PAPPA: variants seen among roughly 807,000 people sequenced by gnomAD.
PAPPA encodes the protein pappalysin 1, also known as pappalysin-1.
In PAPPA, 60 loss-of-function variants were observed where a neutral mutation model predicts 164.0. The ratio of observed to expected loss-of-function variants is 0.37; its 90% CI spans 0.30 to 0.45. The LOEUF (loss-of-function observed/expected upper bound fraction) is 0.45. Ranked by LOEUF, PAPPA falls within the 20% of genes least tolerant of loss-of-function variation. PAPPA has a pLI of 1.00. For synonymous variants in PAPPA, 875 were observed against 814.1 expected (o/e 1.07, Z -1.27); for missense variants, 1,782 against 2,087.3 (o/e 0.85, Z 2.85).
At chr9:116,166,364 C>A (rs1843719562) in intron 1 of PAPPA, among the ~76,000 whole-genome samples, 1 of 152,216 alleles carries the variant, frequency 6.6e-6, no homozygotes. Context: ...TGCACGGCAG[C>A]ACATAATCTT....
chr9:116,235,699 G>A, intron 7 of PAPPA, 62 bp downstream of exon 7: 2 of 1,526,166 alleles, frequency 1.3e-6, no homozygotes, highest in Non-Finnish European at 1.8e-6. Context: ...AACGTGAGGT[G>A]GGTCAGAGAG....
chr9:116,373,737 G>A (rs551581282), intron 19 of PAPPA: 1 of 152,260 alleles, frequency 6.6e-6, no homozygotes, highest in African/African-American at 2.4e-5. Flanking sequence ...TACAGCTTCA[G>A]GGGATGGTAT....
At chr9:116,172,093 A>G (rs549822747) in intron 1 of PAPPA, among the ~76,000 whole-genome samples, 2 of 152,274 alleles carry the variant, frequency 1.3e-5, no homozygotes, top group African/African-American at 2.4e-5. Context: ...TGTTCATAAA[A>G]TTTTGCATAT....
Position 116,400,294 on chromosome 9 carries a change from T to C in PAPPA, c.*3678T>C, listed in dbSNP as rs1588036928. 2 of 152,308 alleles carry C rather than the reference T, an allele frequency of 1.3e-5. No individual in the cohort carries two copies. The highest frequency in any genetic ancestry group is 1.9e-4 in the East Asian group (1 of 5,174). The allele number at this position is 152,308 out of a possible 1,614,324, so 9.4% of individuals were successfully genotyped here. On this transcript the variant is annotated 3_prime_UTR_variant, in exon 22 of 22. Transcript: ENST00000328252. ...CAGTAGGTAGACACAAACATAAAGA[T>C]TTCCCTAGAAGACATAGAGTGGGAT...
At position 116,398,543 on chromosome 9, in the gene PAPPA, T is replaced by C. The variant is rs183427609; in HGVS notation, c.*1927T>C. ...AACCACCATATTATATCACTCCCAATAGCACTGACCTGGTGATCAAAAACA... is the reference window on the plus strand; with the variant it reads ...AACCACCATATTATATCACTCCCAACAGCACTGACCTGGTGATCAAAAACA... On this transcript the variant is annotated 3_prime_UTR_variant, in exon 22 of 22. Coordinates refer to ENST00000328252, the MANE Select transcript of PAPPA (RefSeq NM_002581.5). The C allele has an allele frequency of 2.4e-5, 31 of 1,269,996 alleles. No homozygotes were observed. Among genetic ancestry groups the C allele is most frequent in the Admixed American group, 1.2e-4 (5 of 43,044 alleles). The allele number at this position is 1,269,996 out of a possible 1,614,324, so 78.7% of individuals were successfully genotyped here.
At chr9:116,356,469 T>C (rs940872846) in intron 17 of PAPPA, among the ~76,000 whole-genome samples, 1 of 152,218 alleles carries the variant, frequency 6.6e-6, no homozygotes, top group Non-Finnish European at 1.5e-5. Context: ...GAGAATCCCT[T>C]ATGCTCTATG....
intron 21 of PAPPA, among the ~76,000 whole-genome samples, chr9:116,395,864 A>C (rs192620544): frequency 6.6e-6 from 1 of 152,324 alleles, no homozygotes; most frequent in East Asian, 1.9e-4. Flanking sequence ...TGCCTACTAA[A>C]GTCAAAGTGA....
intron 18 of PAPPA, among the ~76,000 whole-genome samples, chr9:116,364,844 ATTGC>A (rs1209502899): frequency 6.6e-6 from 1 of 152,118 alleles, no homozygotes; most frequent in African/African-American, 2.4e-5. Context: ...TCTATATGAT[ATTGC>A]AGCCTGAATT....
At chr9:116,285,114 A>G (rs1011036732) in intron 9 of PAPPA, among the ~76,000 whole-genome samples, 2 of 137,292 alleles carry the variant, frequency 1.5e-5, no homozygotes, top group Admixed American at 7.1e-5. Flanking sequence ...TGAGCCCAGG[A>G]TTTGCTTTTC....
chr9:116,219,502 T>C (rs1844415744), intron 4 of PAPPA, among the ~76,000 whole-genome samples: 1 of 151,764 alleles, frequency 6.6e-6, no homozygotes, highest in African/African-American at 2.4e-5. Context: ...AATGAATGAG[T>C]GAATGGATAA....
chr9:116,158,855 A>G (rs1843632114), intron 1 of PAPPA, among the ~76,000 whole-genome samples: 1 of 152,152 alleles, frequency 6.6e-6, no homozygotes, highest in African/African-American at 2.4e-5. Context: ...GAGAGTTGAA[A>G]TGACTTGGTC....
At chr9:116,224,698 G>A (rs1214786319) in intron 5 of PAPPA, among the ~76,000 whole-genome samples, 1 of 152,140 alleles carries the variant, frequency 6.6e-6, no homozygotes, top group Non-Finnish European at 1.5e-5. Flanking sequence ...TGACTGGTGT[G>A]ACTGAAGAAT....
chr9:116,226,478 T>C (rs1844511822), intron 5 of PAPPA, among the ~76,000 whole-genome samples: 2 of 152,322 alleles, frequency 1.3e-5, no homozygotes, highest in African/African-American at 4.8e-5. Context: ...CCAGGAATGA[T>C]GAAAGAGTTA....
chr9:116,370,096 G>A (rs1349924941), intron 19 of PAPPA, among the ~76,000 whole-genome samples: 3 of 152,128 alleles, frequency 2.0e-5, no homozygotes, highest in Non-Finnish European at 4.4e-5. Flanking sequence ...GGGTCTGCCT[G>A]CGAGCACCAG....
At chr9:116,228,678 C>A (rs1844547408) in intron 6 of PAPPA, among the ~76,000 whole-genome samples, 1 of 152,100 alleles carries the variant, frequency 6.6e-6, no homozygotes, top group African/African-American at 2.4e-5. Context: ...CTGGGAAAAG[C>A]CCTCAGTTCA....
intron 19 of PAPPA, among the ~76,000 whole-genome samples, chr9:116,374,024 T>C (rs1449430448): frequency 6.6e-6 from 1 of 151,300 alleles, no homozygotes; most frequent in African/African-American, 2.4e-5. Context: ...ATACTGATGG[T>C]GATGATGATA....
chr9:116,167,873 C>T (rs766445075), intron 1 of PAPPA, among the ~76,000 whole-genome samples: 1 of 152,168 alleles, frequency 6.6e-6, no homozygotes, highest in East Asian at 1.9e-4. Flanking sequence ...ACAGAAACTG[C>T]CTTATCAAAT....
intron 3 of PAPPA, among the ~76,000 whole-genome samples, chr9:116,209,288 A>G (rs1230301365): frequency 6.6e-6 from 1 of 152,192 alleles, no homozygotes; most frequent in African/African-American, 2.4e-5. Context: ...GACTTTACTT[A>G]GCAGTATGGC....
chr9:116,344,424 G>C, intron 13 of PAPPA, 119 bp from the exon 14 acceptor site: 3 of 978,556 alleles, frequency 3.1e-6, no homozygotes, highest in South Asian at 1.7e-5. Flanking sequence ...ACCCCTTTCT[G>C]TCCTCAGTCT....
Sources: gnomAD v4.1 joint callset for allele counts (sites outside exome capture counted in the v4.1 genomes callset) on GRCh38, gnomAD v4.1.1 for gene constraint, MANE v1.5 for transcripts, NCBI Gene and HGNC (gene_info 2026-07-23, HGNC 2026-07-21) for gene names.